The following SH2D4B variants were observed in gnomAD, a reference collection of about 807,000 sequenced individuals.
SH2D4B encodes SH2 domain-containing protein 4B.
SH2D4B carries 45 observed loss-of-function variants against 61.5 expected under a neutral mutation model. The observed-to-expected ratio is 0.73, with a 90% CI of 0.58 to 0.94. The LOEUF is 0.94. Ranked by LOEUF, SH2D4B falls within the 40% of genes least tolerant of loss-of-function variation. The pLI is 0.00. For synonymous variants in SH2D4B, 224 were observed against 220.4 expected (o/e 1.02, Z -0.14); for missense variants, 572 against 574.2 (o/e 1.00, Z 0.04).
intron 1 of SH2D4B, among the ~76,000 whole-genome samples, chr10:80,543,518 C>T (rs550559655): frequency 1.0e-3 from 152 of 152,204 alleles, no homozygotes; most frequent in Non-Finnish European, 1.6e-3. Context: ...GCTCCTGTGC[C>T]GCCCAAGCTT....
intron 6 of SH2D4B, among the ~76,000 whole-genome samples, chr10:80,624,654 A>G (rs1842751532): frequency 6.6e-6 from 1 of 152,350 alleles, no homozygotes; most frequent in African/African-American, 2.4e-5. Flanking sequence ...TGTAACCCAG[A>G]TGAATTAACC....
At chr10:80,564,706 C>T (rs930778595) in intron 1 of SH2D4B, among the ~76,000 whole-genome samples, 7 of 152,230 alleles carry the variant, frequency 4.6e-5, no homozygotes, top group African/African-American at 1.7e-4. Flanking sequence ...TATTCAACTG[C>T]CTGTTGAGTG....
chr10:80,598,083 A>C (rs997636063), intron 4 of SH2D4B, among the ~76,000 whole-genome samples: 2 of 152,230 alleles, frequency 1.3e-5, no homozygotes, highest in African/African-American at 4.8e-5. Flanking sequence ...TGTGGGAAGG[A>C]GCACTGGACT....
chr10:80,640,924 G>A (rs1840280954), intron 7 of SH2D4B, among the ~76,000 whole-genome samples: 1 of 152,162 alleles, frequency 6.6e-6, no homozygotes, highest in African/African-American at 2.4e-5. Context: ...CCATCTTTGT[G>A]GTTTTATCTA....
At chr10:80,614,960 G>GC (rs1166367080) in intron 6 of SH2D4B, among the ~76,000 whole-genome samples, 1 of 152,226 alleles carries the variant, frequency 6.6e-6, no homozygotes, top group Admixed American at 6.5e-5. Context: ...CTCCTGGGTA[G>GC]CCCTCCTGGG....
chr10:80,641,200 G>A (rs1431392686), intron 7 of SH2D4B, among the ~76,000 whole-genome samples: 5 of 152,214 alleles, frequency 3.3e-5, no homozygotes, highest in Non-Finnish European at 7.3e-5. Context: ...TGTATGAGGT[G>A]TCAGTCAGCC....
At chr10:80,566,528 T>G (rs1841971102) in intron 1 of SH2D4B, among the ~76,000 whole-genome samples, 2 of 152,248 alleles carry the variant, frequency 1.3e-5, no homozygotes, top group South Asian at 4.1e-4. Context: ...ACTCCTGACC[T>G]CAGGTGATCT....
At chr10:80,572,984 ATATTTTTTTTTT>A (rs1842078842) in intron 3 of SH2D4B, among the ~76,000 whole-genome samples, 1 of 8,294 alleles carries the variant, frequency 1.2e-4, no homozygotes, top group Non-Finnish European at 2.1e-4. Flanking sequence ...ATATATATAT[ATATTTTTTTTTT>A]TTTTTTTTTT....
At position 80,588,579 on chromosome 10, in the gene SH2D4B, C is replaced by T. The variant is rs753418162; in HGVS notation, c.496-51C>T. 5.0e-6 allele frequency: 8 copies of T among 1,599,340 alleles called. No individual in the cohort carries two copies. The South Asian group carries it at 5.5e-5, about 11-fold the overall frequency. ...TCCCAGAGATATTTCTTTCTCGTTT[C>T]TCTGAAGTGTTGTGGTCATCTCGTG... On this transcript the variant is annotated intron_variant, in intron 3 of 7. Transcript: ENST00000646907.
Position 80,644,186 on chromosome 10 carries a change from C to T in SH2D4B, c.*101C>T. On this transcript the variant is annotated 3_prime_UTR_variant, in exon 8 of 8. Transcript: ENST00000646907. Reference sequence around the variant, plus strand: ...CTATGGCCTTCTGGAAGATCCACCACTATCCAAAGGAAAAAGTAGATTAAT... The same window carrying T: ...CTATGGCCTTCTGGAAGATCCACCATTATCCAAAGGAAAAAGTAGATTAAT... 2 of 914,018 alleles carry T rather than the reference C, an allele frequency of 2.2e-6. No homozygotes were observed. The highest frequency in any genetic ancestry group is 3.5e-6 in the Non-Finnish European group (2 of 577,826). The allele number at this position is 914,018 out of a possible 1,614,324, so 56.6% of individuals were successfully genotyped here. A position where few individuals can be genotyped will look rare whatever the true frequency, so the allele number is the denominator to read the frequency against.
chr10:80,639,416 G>A (rs1195424233), intron 7 of SH2D4B, among the ~76,000 whole-genome samples: 11 of 152,188 alleles, frequency 7.2e-5, no homozygotes, highest in Non-Finnish European at 1.5e-4. Flanking sequence ...TTGTGTGGGA[G>A]TCTAAGTCTC....
chr10:80,600,045 C>T (rs1023307295), intron 4 of SH2D4B, among the ~76,000 whole-genome samples: 2 of 152,314 alleles, frequency 1.3e-5, no homozygotes, highest in Non-Finnish European at 2.9e-5. Flanking sequence ...ATTTAATAAA[C>T]CTAGCCCATG....
intron 1 of SH2D4B, among the ~76,000 whole-genome samples, chr10:80,542,415 T>TC (rs1274875058): frequency 1.3e-5 from 2 of 149,044 alleles, no homozygotes; most frequent in African/African-American, 2.5e-5. Context: ...TTTTTTTTTT[T>TC]CAGACAGAAT....
intron 4 of SH2D4B, among the ~76,000 whole-genome samples, chr10:80,594,662 T>TAACA (rs1842367169): frequency 1.3e-5 from 2 of 152,256 alleles, no homozygotes; most frequent in Non-Finnish European, 2.9e-5. Context: ...GTCTCTTCAC[T>TAACA]TGTTATGAAC....
intron 5 of SH2D4B, among the ~76,000 whole-genome samples, chr10:80,606,149 A>AC (rs1842517558): frequency 6.6e-6 from 1 of 151,442 alleles, no homozygotes; most frequent in Non-Finnish European, 1.5e-5. Flanking sequence ...CTGTCAGCAC[A>AC]CCTCATCTGT....
At chr10:80,631,841 A>G (rs1272050591) in intron 6 of SH2D4B, among the ~76,000 whole-genome samples, 1 of 152,210 alleles carries the variant, frequency 6.6e-6, no homozygotes, top group Non-Finnish European at 1.5e-5. Flanking sequence ...AGGACATAAC[A>G]TTTCATTTAG....
chr10:80,587,137 TTTTTTTTTGTTTTG>T lies in SH2D4B; in HGVS notation c.496-1484_496-1471del, dbSNP rs1158720765. 2.0e-3 allele frequency among the ~76,000 whole-genome samples: 106 copies of T among 52,824 alleles called. 6 individuals carry two copies. Among genetic ancestry groups the T allele is most frequent in the African/African-American group, 0.016 (74 of 4,616 alleles). The allele number at this position is 52,824 out of a possible 152,430, so 34.7% of individuals were successfully genotyped here. A position where few individuals can be genotyped will look rare whatever the true frequency, so the allele number is the denominator to read the frequency against. On this transcript the variant is annotated intron_variant, in intron 3 of 7. Transcript: ENST00000646907. ...CCCACCAATTCCGGCCACGTTTTTTTTTTTTTTTGTTTTGTTTTTTTTTTTTTTTTTGGAGACGC... is the reference window on the plus strand; with the variant it reads ...CCCACCAATTCCGGCCACGTTTTTTTTTTTTTTTTTTTTTTTTGGAGACGC...
intron 4 of SH2D4B, among the ~76,000 whole-genome samples, chr10:80,599,409 G>A (rs1842419902): frequency 6.6e-6 from 1 of 152,186 alleles, no homozygotes; most frequent in African/African-American, 2.4e-5. Flanking sequence ...TTATAACTCA[G>A]AATAATGCTA....
In SH2D4B at chr10:80,644,304, C is replaced by T; in HGVS notation, c.*219C>T. On this transcript the variant is annotated 3_prime_UTR_variant, in exon 8 of 8. Transcript: ENST00000646907. ...TTGCTAATAGCTCATGCAACTCTTT[C>T]ATGAAGAGCTTAGCTATGACCTTAG... The T allele has an allele frequency of 3.8e-6, 2 of 525,998 alleles. No individual in the cohort carries two copies. The highest frequency in any genetic ancestry group is 6.8e-6 in the Non-Finnish European group (2 of 296,008). The allele number at this position is 525,998 out of a possible 1,614,324, so 32.6% of individuals were successfully genotyped here.
Sources: allele counts gnomAD v4.1 joint callset (sites outside exome capture counted in the v4.1 genomes callset), GRCh38; gene constraint gnomAD v4.1.1; transcripts MANE v1.5; gene names NCBI Gene and HGNC (gene_info 2026-07-23, HGNC 2026-07-21).